Variants in MALRD1 observed in about 807,000 individuals in gnomAD.
MALRD1 encodes MAM and LDL receptor class A domain containing 1, also known as MAM and LDL-receptor class A domain-containing protein 1.
In MALRD1, 247 loss-of-function variants were observed where a neutral mutation model predicts 242.1. That is an observed-to-expected ratio of 1.02 (90% CI 0.92 to 1.13). The LOEUF (loss-of-function observed/expected upper bound fraction) is 1.13. Among genes scored for constraint, MALRD1 ranks in the 50% most tolerant of loss-of-function variants. The probability of loss-of-function intolerance (pLI) is 0.00; values close to 1 mark genes in which losing one functional copy is unlikely to be tolerated. For synonymous variants in MALRD1, 995 were observed against 866.6 expected (o/e 1.15, Z -2.60); for missense variants, 2,989 against 2,533.1 (o/e 1.18, Z -3.86).
chr10:19,183,315 G>A (rs1835596686), intron 14 of MALRD1, among the ~76,000 whole-genome samples: 1 of 151,504 alleles, frequency 6.6e-6, no homozygotes, highest in Non-Finnish European at 1.5e-5. Context: ...CTTCTTTGCA[G>A]CAAAAAGGTT....
intron 14 of MALRD1, among the ~76,000 whole-genome samples, chr10:19,197,455 A>T (rs529327417): frequency 3.5e-4 from 54 of 152,310 alleles, no homozygotes; most frequent in South Asian, 1.5e-3. Flanking sequence ...AGCCAAAAAA[A>T]TTGAAGTGAC....
chr10:19,583,968 G>C (rs7080035), intron 33 of MALRD1, among the ~76,000 whole-genome samples: 1 of 151,766 alleles, frequency 6.6e-6, no homozygotes, highest in Non-Finnish European at 1.5e-5. Flanking sequence ...TGTGTGTGTC[G>C]AGGAATTTAT....
intron 28 of MALRD1, among the ~76,000 whole-genome samples, chr10:19,437,083 C>T (rs994954044): frequency 8.9e-5 from 7 of 78,648 alleles, no homozygotes; most frequent in East Asian, 3.1e-4. Flanking sequence ...ATTAGCAAAA[C>T]GAGTGTGATT....
intron 32 of MALRD1, among the ~76,000 whole-genome samples, chr10:19,565,329 G>A (rs181187796): frequency 1.3e-5 from 2 of 152,138 alleles, no homozygotes; most frequent in South Asian, 4.2e-4. Context: ...AAAATAAACT[G>A]TAAAACCAAT....
Position 19,059,976 on chromosome 10 carries a change from A to T in MALRD1, c.200-6743A>T, listed in dbSNP as rs116288830. Reference sequence around the variant, plus strand: ...AAGTAAAGTAATTTGTCAAAGTTATATTAGCAAAGGCAGTCAATATCGGCA... The same window carrying T: ...AAGTAAAGTAATTTGTCAAAGTTATTTTAGCAAAGGCAGTCAATATCGGCA... On this transcript the variant is annotated intron_variant, in intron 1 of 39. Transcript: ENST00000454679. 1.8e-3 allele frequency among the ~76,000 whole-genome samples: 279 copies of T among 152,358 alleles called. 1 individual carries two copies. Among genetic ancestry groups the T allele is most frequent in the African/African-American group, 5.7e-3 (236 of 41,596 alleles).
intron 26 of MALRD1, among the ~76,000 whole-genome samples, chr10:19,375,476 T>C (rs1216106478): frequency 1.3e-5 from 2 of 152,202 alleles, no homozygotes; most frequent in East Asian, 3.9e-4. Context: ...AGGTAATAGA[T>C]CTTAATCTTG....
rs991303524 is a variant in MALRD1, at chr10:19,317,772, G to C, written c.3420-6177G>C. ...AGTGTTTTAATTACTTAATCTGTGTGATAGTAAGAGTTTAGAAACTGATTA... is the reference window on the plus strand; with the variant it reads ...AGTGTTTTAATTACTTAATCTGTGTCATAGTAAGAGTTTAGAAACTGATTA... On this transcript the variant is annotated intron_variant, in intron 21 of 39. Transcript: ENST00000454679. Among the ~76,000 whole-genome samples the C allele has an allele frequency of 4.6e-5, 7 of 152,156 alleles. No homozygotes were observed. The South Asian group carries it at 1.4e-3, about 31-fold the overall frequency.
intron 18 of MALRD1, among the ~76,000 whole-genome samples, chr10:19,217,006 A>G (rs1837349689): frequency 6.6e-6 from 1 of 152,126 alleles, no homozygotes; most frequent in Non-Finnish European, 1.5e-5. Flanking sequence ...GGCCAAACCA[A>G]TGGCTCTTAT....
At chr10:19,453,791 G>T (rs1835456431) in intron 29 of MALRD1, among the ~76,000 whole-genome samples, 1 of 152,024 alleles carries the variant, frequency 6.6e-6, no homozygotes, top group South Asian at 2.1e-4. Context: ...CATGAGAATT[G>T]CCTGAACCAG....
At chr10:19,530,577 A>G (rs569649416) in intron 31 of MALRD1, among the ~76,000 whole-genome samples, 18 of 149,458 alleles carry the variant, frequency 1.2e-4, no homozygotes, top group African/African-American at 4.2e-4. Flanking sequence ...TATATTTCAT[A>G]TTTACCTACC....
chr10:19,599,127 G>T (rs1838238063), intron 34 of MALRD1, among the ~76,000 whole-genome samples: 1 of 152,152 alleles, frequency 6.6e-6, no homozygotes, highest in Non-Finnish European at 1.5e-5. Flanking sequence ...CTTTCAAGAA[G>T]TTGCAATTGG....
In MALRD1 at chr10:19,213,483, C is replaced by T. The variant is rs569653467; in HGVS notation, c.2991+3803C>T. ...TCCTGACTTCGTGATCCACCTGCCT[C>T]GGCCTCGCAAAATGCTGAGATTACA... is the stretch of plus-strand genomic sequence containing the variant. On this transcript the variant is annotated intron_variant, in intron 18 of 39. Transcript: ENST00000454679. Among the ~76,000 whole-genome samples the T allele has an allele frequency of 4.6e-5, 7 of 152,302 alleles. No homozygotes were observed. In the East Asian group the frequency reaches 5.8e-4, roughly 13 times the overall value.
Position 19,276,577 on chromosome 10 carries a change from C to T in MALRD1, c.3080-3470C>T, listed in dbSNP as rs749453473. Among the ~76,000 whole-genome samples, 11 of 152,152 alleles carry T rather than the reference C, an allele frequency of 7.2e-5. No individual in the cohort carries two copies. The East Asian group carries it at 1.2e-3, about 16-fold the overall frequency. On this transcript the variant is annotated intron_variant, in intron 19 of 39. Transcript: ENST00000454679. ...GAAAATAATTTTTCATCAAGGCTAG[C>T]GAATTTTTCTTTCTCTGATTCAGAC...
Position 19,614,265 on chromosome 10 carries a change from A to G in MALRD1, c.6071-1592A>G, listed in dbSNP as rs75285257. On this transcript the variant is annotated intron_variant, in intron 35 of 39. Transcript: ENST00000454679. ...CTAATAAATTGAGCTGAGAAGAGCA[A>G]CTGGGCTCCTGTGCCCTCAGTGTGA... Among the ~76,000 whole-genome samples, 849 of 152,124 alleles carry G rather than the reference A, an allele frequency of 5.6e-3. 15 individuals are homozygous for G. Among genetic ancestry groups the G allele is most frequent in the East Asian group, 0.032 (163 of 5,138 alleles).
chr10:19,097,043 A>G (rs199605475), intron 4 of MALRD1, among the ~76,000 whole-genome samples: 2 of 152,226 alleles, frequency 1.3e-5, no homozygotes, highest in African/African-American at 2.4e-5. Context: ...GTTTCTGAAG[A>G]TATTTAAGGA....
At chr10:19,180,505 C>T (rs180801590) in intron 14 of MALRD1, among the ~76,000 whole-genome samples, 156 of 152,286 alleles carry the variant, frequency 1.0e-3, no homozygotes, top group Non-Finnish European at 1.7e-3. Flanking sequence ...GCCGGAAAAT[C>T]TGGACGTTCT....
At chr10:19,072,896 T>A (rs1014413838) in intron 2 of MALRD1, among the ~76,000 whole-genome samples, 1 of 151,978 alleles carries the variant, frequency 6.6e-6, no homozygotes, top group Non-Finnish European at 1.5e-5. Flanking sequence ...TTACAGTGTC[T>A]TTTTTTCACT....
At chr10:19,632,951 G>A (rs1202948153) in intron 36 of MALRD1, among the ~76,000 whole-genome samples, 1 of 152,174 alleles carries the variant, frequency 6.6e-6, no homozygotes, top group African/African-American at 2.4e-5. Context: ...GGACTTCTGG[G>A]CCAGGCACGG....
At chr10:19,182,290 T>C (rs1481332758) in intron 14 of MALRD1, among the ~76,000 whole-genome samples, 2 of 151,382 alleles carry the variant, frequency 1.3e-5, no homozygotes, top group East Asian at 3.9e-4. Flanking sequence ...CAGTTAGAAT[T>C]CCATTTTAAA....
Sources: gnomAD v4.1 joint callset for allele counts (sites outside exome capture counted in the v4.1 genomes callset) on GRCh38, gnomAD v4.1.1 for gene constraint, MANE v1.5 for transcripts, NCBI Gene and HGNC (gene_info 2026-07-23, HGNC 2026-07-21) for gene names.